Variants in PIK3C3 observed in about 807,000 individuals in gnomAD.
The protein encoded by PIK3C3 is phosphatidylinositol 3-kinase catalytic subunit type 3.
A neutral mutation model predicts 126.1 loss-of-function variants in PIK3C3; 95 were observed. That is an observed-to-expected ratio of 0.75 (90% confidence interval 0.64 to 0.89). PIK3C3 has a LOEUF of 0.89. Ranked by LOEUF, PIK3C3 falls within the 40% of genes least tolerant of loss-of-function variation. PIK3C3 has a pLI of 0.00. For synonymous variants in PIK3C3, 374 were observed against 360.0 expected (o/e 1.04, Z -0.44); for missense variants, 829 against 1,063.2 (o/e 0.78, Z 3.06).
intron 15 of PIK3C3, among the ~76,000 whole-genome samples, chr18:42,030,066 A>G (rs1386805921): frequency 6.6e-6 from 1 of 152,188 alleles, no homozygotes; most frequent in African/African-American, 2.4e-5. Flanking sequence ...TTCTTAGTCC[A>G]TATTGTTATC....
At chr18:42,057,024 T>C (rs1985095742) in intron 21 of PIK3C3, among the ~76,000 whole-genome samples, 1 of 150,884 alleles carries the variant, frequency 6.6e-6, no homozygotes, top group Non-Finnish European at 1.5e-5. Context: ...TTTTCAGTCA[T>C]AAATCATTCA....
intron 13 of PIK3C3, 118 bp from the exon 14 acceptor site, chr18:42,027,325 C>T: frequency 4.3e-6 from 2 of 467,854 alleles, no homozygotes; most frequent in Non-Finnish European, 7.5e-6. Context: ...TTTTATTACT[C>T]CAATTTTATT....
At chr18:42,036,191 A>G (rs890943980) in intron 16 of PIK3C3, among the ~76,000 whole-genome samples, 1 of 152,198 alleles carries the variant, frequency 6.6e-6, no homozygotes. Flanking sequence ...AGTTTTAAAC[A>G]TACATTCTCT....
intron 20 of PIK3C3, 22 bp from the exon 21 acceptor site, chr18:42,049,509 T>A (rs747332189): frequency 9.8e-6 from 15 of 1,524,610 alleles, no homozygotes; most frequent in Non-Finnish European, 1.3e-5. Context: ...TTTTCACATA[T>A]TTTTTTTAAC....
chr18:41,963,064 A>T (rs1980177129), intron 3 of PIK3C3, among the ~76,000 whole-genome samples: 1 of 152,124 alleles, frequency 6.6e-6, no homozygotes, highest in African/African-American at 2.4e-5. Flanking sequence ...TTTTTGAAAC[A>T]TTTGCAAATA....
chr18:42,029,717 A>G (rs924626726), intron 15 of PIK3C3, among the ~76,000 whole-genome samples: 6 of 150,816 alleles, frequency 4.0e-5, no homozygotes, highest in South Asian at 2.1e-4. Context: ...TAATTTTTCT[A>G]TTTTTAGTAG....
chr18:41,977,672 A>T (rs1165475234), intron 4 of PIK3C3, among the ~76,000 whole-genome samples: 3 of 152,032 alleles, frequency 2.0e-5, no homozygotes, highest in Non-Finnish European at 4.4e-5. Flanking sequence ...AATTGTAGAG[A>T]CAGGGTTTCA....
At chr18:41,973,819 T>G (rs770337811) in intron 4 of PIK3C3, among the ~76,000 whole-genome samples, 7 of 152,166 alleles carry the variant, frequency 4.6e-5, no homozygotes, top group Non-Finnish European at 5.9e-5. Flanking sequence ...TCTGTATTTC[T>G]CACGCTACCA....
chr18:42,012,003 T>C (rs1982847660), intron 10 of PIK3C3, among the ~76,000 whole-genome samples: 1 of 152,112 alleles, frequency 6.6e-6, no homozygotes, highest in Non-Finnish European at 1.5e-5. Flanking sequence ...CTGGTTACAA[T>C]AGTAACATCA....
chr18:42,077,957 G>A (rs189849367), intron 24 of PIK3C3, among the ~76,000 whole-genome samples: 7 of 152,298 alleles, frequency 4.6e-5, no homozygotes, highest in East Asian at 1.9e-4. Flanking sequence ...TGAATTAGCA[G>A]GCATTAAAAC....
chr18:42,045,320 T>C (rs1984513125), intron 20 of PIK3C3, among the ~76,000 whole-genome samples: 1 of 152,228 alleles, frequency 6.6e-6, no homozygotes, highest in Non-Finnish European at 1.5e-5. Flanking sequence ...CTTCCCTTGC[T>C]CCTTTCTTGT....
intron 13 of PIK3C3, among the ~76,000 whole-genome samples, chr18:42,024,793 A>AT (rs1192332104): frequency 6.9e-6 from 1 of 144,308 alleles, no homozygotes; most frequent in Non-Finnish European, 1.5e-5. Context: ...GCATCAACAT[A>AT]TTTTTTTTCT....
chr18:42,037,943 A>C, intron 17 of PIK3C3, 123 bp downstream of exon 17: 11 of 866,008 alleles, frequency 1.3e-5, no homozygotes, highest in Non-Finnish European at 1.9e-5. Context: ...AGAAAGCTCA[A>C]CAGTCTCCAC....
Position 42,027,564 on chromosome 18 carries a change from G to A in PIK3C3, c.1590+16G>A. On this transcript the variant is annotated intron_variant, in intron 14 of 24. Coordinates refer to ENST00000262039, the MANE Select transcript of PIK3C3 (RefSeq NM_002647.4). Reference sequence around the variant, plus strand: ...ATTGTTGAAGGTAACCCTTAAATGTGAGGGTTGGCAAACTGCAGCACATGG... The same window carrying A: ...ATTGTTGAAGGTAACCCTTAAATGTAAGGGTTGGCAAACTGCAGCACATGG... 1 of 1,514,240 alleles carries A rather than the reference G, an allele frequency of 6.6e-7. No individual in the cohort carries two copies. The highest frequency in any genetic ancestry group is 9.2e-7 in the Non-Finnish European group (1 of 1,092,708). 93.8% of individuals were successfully genotyped at this position (1,514,240 alleles called of 1,614,324 possible). A position where few individuals can be genotyped will look rare whatever the true frequency, so the allele number is the denominator to read the frequency against.
intron 24 of PIK3C3, among the ~76,000 whole-genome samples, chr18:42,076,088 G>GCATATATATATATA (rs1985962416): frequency 2.2e-5 from 1 of 44,750 alleles, no homozygotes; most frequent in Non-Finnish European, 3.7e-5. Context: ...GCTTTACCTT[G>GCATATATATATATA]CATATATATA....
At chr18:42,006,867 T>C (rs1982572549) in intron 10 of PIK3C3, among the ~76,000 whole-genome samples, 1 of 144,124 alleles carries the variant, frequency 6.9e-6, no homozygotes, top group Admixed American at 6.9e-5. Flanking sequence ...ATTCTTTTTT[T>C]TTTTTTTTTT....
intron 10 of PIK3C3, among the ~76,000 whole-genome samples, chr18:42,009,896 G>A (rs959416696): frequency 6.6e-6 from 1 of 152,114 alleles, no homozygotes; most frequent in African/African-American, 2.4e-5. Flanking sequence ...GTCTTGCCTT[G>A]ATGTTTATGA....
rs1446871670 is a variant in PIK3C3, at chr18:42,084,114, T to C, written c.*2977T>C. ...TTCATACTTTCCTTGGGTTGGAAAA[T>C]AGATCATTCAGTAAAAACATACAGG... On this transcript the variant is annotated 3_prime_UTR_variant, in exon 25 of 25. Transcript: ENST00000262039. 1 of 152,314 alleles carries C rather than the reference T, an allele frequency of 6.6e-6. No homozygotes were observed. Among genetic ancestry groups the C allele is most frequent in the South Asian group, 2.1e-4 (1 of 4,826 alleles). 9.4% of individuals were successfully genotyped at this position (152,314 alleles called of 1,614,324 possible).
chr18:42,004,154 A>T (rs1982425330), intron 9 of PIK3C3, among the ~76,000 whole-genome samples: 1 of 152,206 alleles, frequency 6.6e-6, no homozygotes, highest in African/African-American at 2.4e-5. Context: ...CCTGGAAAAT[A>T]TAAAGATACA....
Sources: gnomAD v4.1 joint callset for allele counts (sites outside exome capture counted in the v4.1 genomes callset) on GRCh38, gnomAD v4.1.1 for gene constraint, MANE v1.5 for transcripts, NCBI Gene and HGNC (gene_info 2026-07-23, HGNC 2026-07-21) for gene names.